MSANTD2: variants seen among roughly 807,000 people sequenced by gnomAD.
MSANTD2 encodes Myb/SANT DNA binding domain containing 2.
A neutral mutation model predicts 52.6 loss-of-function variants in MSANTD2; 19 were observed. The observed-to-expected ratio is 0.36, with a 90% CI of 0.25 to 0.53. The LOEUF (loss-of-function observed/expected upper bound fraction) is 0.53, where lower values mean the gene tolerates loss of function less well. Ranked by LOEUF, MSANTD2 falls within the 20% of genes least tolerant of loss-of-function variation. MSANTD2 has a pLI of 0.91. For synonymous variants in MSANTD2, 291 were observed against 289.7 expected, an observed-to-expected ratio of 1.00 and a Z score of -0.04; for missense variants, 558 against 716.3, an observed-to-expected ratio of 0.78 and a Z score of 2.52.
chr11:124,767,383 T>A lies in MSANTD2; in HGVS notation c.1473A>T (p.Leu491Phe). ...AGGTTTTGGTATTCGCTTGGAAATG[T>A]AAAAATAAGCACTGCTGTAGAGTCC... ...EVRTLQQCLFLHFQANTKTFS... is the reference protein window; with the variant it reads ...EVRTLQQCLFFHFQANTKTFS... The change falls in exon 4 of 4, where the codon TTA (leucine) becomes TTT (phenylalanine). Residue 491 changes from leucine to phenylalanine, a missense_variant. Around this residue, in one of 2 missense-constraint regions of MSANTD2, gnomAD observed 408 missense variants for 573.6 expected, o/e 0.71. Transcript: ENST00000374979. The surrounding 1 kb of genome is among the most constrained non-coding windows in gnomAD (Gnocchi z 6.5). 1 of 1,614,162 alleles carries A rather than the reference T, an allele frequency of 6.2e-7. No homozygotes were observed. Among genetic ancestry groups the A allele is most frequent in the Non-Finnish European group, 8.5e-7 (1 of 1,180,014 alleles).
intron 1 of MSANTD2, among the ~76,000 whole-genome samples, chr11:124,781,244 A>G (rs1302856620): frequency 6.6e-6 from 1 of 152,136 alleles, no homozygotes; most frequent in African/African-American, 2.4e-5. Flanking sequence ...TCTAAAAAAT[A>G]TAGCACTTCT....
At chr11:124,773,735 AT>A (rs910312082) in intron 2 of MSANTD2, among the ~76,000 whole-genome samples, 21 of 152,216 alleles carry the variant, frequency 1.4e-4, no homozygotes, top group Non-Finnish European at 2.9e-5. Context: ...TGGAATTAAC[AT>A]TTTTCTATCA....
At chr11:124,797,478 C>T (rs491158) in intron 1 of MSANTD2, among the ~76,000 whole-genome samples, 1 of 151,956 alleles carries the variant, frequency 6.6e-6, no homozygotes, top group African/African-American at 2.4e-5. Flanking sequence ...GCTTAGGCAA[C>T]AGAGCAAAAC....
At chr11:124,780,970 G>C (rs1306084913) in intron 1 of MSANTD2, among the ~76,000 whole-genome samples, 1 of 152,146 alleles carries the variant, frequency 6.6e-6, no homozygotes, top group Non-Finnish European at 1.5e-5. Context: ...ATCACCTGAG[G>C]TCAGGAGTTT....
chr11:124,800,362 A>C lies in MSANTD2; in HGVS notation c.19T>G (p.Ser7Ala), dbSNP rs1945663013. Residue 7 changes from serine to alanine, a missense_variant, in exon 1 of 4, where the codon TCG (serine) becomes GCG (alanine). Physicochemically the swap from Ser to Ala is moderately conservative, Grantham distance 99. This residue lies in a region of MSANTD2 where 150 missense variants were observed against 142.7 expected (regional missense o/e 1.05). Coordinates refer to ENST00000374979, the MANE Select transcript of MSANTD2 (RefSeq NM_001308027.2). This position sits in a 1 kb window ranked among gnomAD's most constrained non-coding sequence, Gnocchi z 4.3. ...AGCGGCGAGTTGGCGGGCAGCTCCG[A>C]GCCACAGGGCGCAGCCATCTTCCAA... is the stretch of plus-strand genomic sequence containing the variant. MAAPCG[S>A]ELPANSPLKI... The C allele has an allele frequency of 6.5e-7, 1 of 1,538,214 alleles. No homozygotes were observed. The highest frequency in any genetic ancestry group is 1.4e-5 in the African/African-American group (1 of 70,176).
intron 1 of MSANTD2, chr11:124,791,841 A>G: frequency 2.1e-6 from 1 of 467,274 alleles, no homozygotes; most frequent in East Asian, 4.1e-5. Context: ...TTCACTGTGT[A>G]TACTGTTATG....
In MSANTD2 at chr11:124,775,030, C is replaced by T. The variant is rs553304709; in HGVS notation, c.511-56G>A. The T allele has an allele frequency of 2.3e-4, 332 of 1,464,100 alleles. 2 individuals carry two copies. The South Asian group carries it at 3.5e-3, about 15-fold the overall frequency. The allele number at this position is 1,464,100 out of a possible 1,614,324, so 90.7% of individuals were successfully genotyped here. A position where few individuals can be genotyped will look rare whatever the true frequency, so the allele number is the denominator to read the frequency against. On this transcript the variant is annotated intron_variant, in intron 1 of 3. Transcript: ENST00000374979. ...AAAGCTGTACTTCCTCTTCCAGGTA[C>T]GGACCACAGATATTAATTACTATTA...
chr11:124,771,368 A>C (rs568218621), intron 3 of MSANTD2, among the ~76,000 whole-genome samples: 1 of 152,358 alleles, frequency 6.6e-6, no homozygotes, highest in East Asian at 1.9e-4. Context: ...CCCTCTTTCC[A>C]GACATGGAAT....
rs1176075031 is a variant in MSANTD2, at chr11:124,779,916, A to G, written c.511-4942T>C. On this transcript the variant is annotated intron_variant, in intron 1 of 3. Transcript: ENST00000374979. This position sits in a 1 kb window ranked among gnomAD's most constrained non-coding sequence, Gnocchi z 4.6. ...TTCCAGTGACTAATTTTCTTATAAAATTGTTAAAAATGATACCTCAGACTA... is the reference window on the plus strand; with the variant it reads ...TTCCAGTGACTAATTTTCTTATAAAGTTGTTAAAAATGATACCTCAGACTA... Among the ~76,000 whole-genome samples, 1 of 152,218 alleles carries G rather than the reference A, an allele frequency of 6.6e-6. No individual in the cohort carries two copies. The highest frequency in any genetic ancestry group is 1.9e-4 in the East Asian group (1 of 5,198).
intron 1 of MSANTD2, among the ~76,000 whole-genome samples, chr11:124,781,014 C>T (rs1944944842): frequency 6.6e-6 from 1 of 152,072 alleles, no homozygotes; most frequent in African/African-American, 2.4e-5. Flanking sequence ...ATAACCCCGT[C>T]TCTACTAAAA....
At chr11:124,771,728 G>A (rs1463337756) in intron 3 of MSANTD2, among the ~76,000 whole-genome samples, 1 of 152,228 alleles carries the variant, frequency 6.6e-6, no homozygotes, top group African/African-American at 2.4e-5. Context: ...GGGTGATGGA[G>A]TAAGACTCTG....
chr11:124,798,372 TATAA>T (rs1480530240), intron 1 of MSANTD2, among the ~76,000 whole-genome samples: 1 of 151,634 alleles, frequency 6.6e-6, no homozygotes, highest in Non-Finnish European at 1.5e-5. Flanking sequence ...TCTCTCTAAA[TATAA>T]ATAAATAAAA....
In MSANTD2 at chr11:124,800,356, G is replaced by T. The variant is rs765577907; in HGVS notation, c.25C>A (p.Leu9Met). 1.3e-6 allele frequency: 2 copies of T among 1,542,098 alleles called. No homozygotes were observed. The highest frequency in any genetic ancestry group is 2.4e-5 in the South Asian group (2 of 82,582). ...ATTTTTAGCGGCGAGTTGGCGGGCA[G>T]CTCCGAGCCACAGGGCGCAGCCATC... is the stretch of plus-strand genomic sequence containing the variant. Reference protein sequence around the residue: MAAPCGSELPANSPLKIPK... With the variant: MAAPCGSEMPANSPLKIPK... The change falls in exon 1 of 4, where the codon CTG (leucine) becomes ATG (methionine). Residue 9 changes from leucine to methionine, a missense_variant. This residue lies in a region of MSANTD2 where 150 missense variants were observed against 142.7 expected (regional missense o/e 1.05). Transcript: ENST00000374979. The surrounding 1 kb of genome is among the most constrained non-coding windows in gnomAD (Gnocchi z 4.3).
Position 124,787,109 on chromosome 11 carries a change from A to C in MSANTD2, c.511-12135T>G, listed in dbSNP as rs992851193. ...AGTGTCTGCTCAATTGCCTGCACTC[A>C]GTAAATGTTTGCATTATTATTATAA... On this transcript the variant is annotated intron_variant, in intron 1 of 3. Coordinates refer to ENST00000374979, the MANE Select transcript of MSANTD2 (RefSeq NM_001308027.2). Among the ~76,000 whole-genome samples, 10 of 152,242 alleles carry C rather than the reference A, an allele frequency of 6.6e-5. 1 individual carries two copies. Among genetic ancestry groups the C allele is most frequent in the Admixed American group, 2.6e-4 (4 of 15,280 alleles).
At chr11:124,791,780 T>C in intron 1 of MSANTD2, 1 of 590,512 alleles carries the variant, frequency 1.7e-6, no homozygotes, top group Non-Finnish European at 3.0e-6. Context: ...AGGAGGAGGA[T>C]GTGGGGCAGA....
In MSANTD2 at chr11:124,779,708, G is replaced by C. The variant is rs1944883770; in HGVS notation, c.511-4734C>G. 6.6e-6 allele frequency among the ~76,000 whole-genome samples: 1 copy of C among 152,182 alleles called. No homozygotes were observed. The highest frequency in any genetic ancestry group is 6.5e-5 in the Admixed American group (1 of 15,286). Reference sequence around the variant, plus strand: ...GCAGTGAAACAGATTTTCAAATGTAGCTGTCAAGCTGGCCACACTGGAAAT... The same window carrying C: ...GCAGTGAAACAGATTTTCAAATGTACCTGTCAAGCTGGCCACACTGGAAAT... On this transcript the variant is annotated intron_variant, in intron 1 of 3. Transcript: ENST00000374979. The surrounding 1 kb of genome is among the most constrained non-coding windows in gnomAD (Gnocchi z 4.6).
At chr11:124,781,370 T>C (rs1403486885) in intron 1 of MSANTD2, among the ~76,000 whole-genome samples, 1 of 152,018 alleles carries the variant, frequency 6.6e-6, no homozygotes, top group Non-Finnish European at 1.5e-5. Context: ...TCACTTATTG[T>C]CTGATTAACT....
chr11:124,776,032 C>T (rs577920255), intron 1 of MSANTD2: 1 of 151,286 alleles, frequency 6.6e-6, no homozygotes, highest in South Asian at 2.1e-4. Flanking sequence ...CTCTGCCTCC[C>T]TTTGTTCCTT....
chr11:124,791,786 G>A, intron 1 of MSANTD2: 2 of 579,228 alleles, frequency 3.5e-6, no homozygotes, highest in South Asian at 3.7e-5. Flanking sequence ...AGGATGTGGG[G>A]CAGAGAAAGA....
Sources: allele counts gnomAD v4.1 joint callset (sites outside exome capture counted in the v4.1 genomes callset), GRCh38; gene constraint gnomAD v4.1.1; regional missense constraint gnomAD v4.1.1; non-coding constraint Gnocchi (gnomAD v3.1); transcripts MANE v1.5; gene names NCBI Gene and HGNC (gene_info 2026-07-23, HGNC 2026-07-21).